MID1: variants seen among roughly 807,000 people sequenced by gnomAD.
MID1 encodes the protein midline 1.
In MID1, 7 loss-of-function variants were observed where a neutral mutation model predicts 40.4. That is an observed-to-expected ratio of 0.17 (90% confidence interval 0.10 to 0.33). The LOEUF is 0.33. MID1 is among the 10% of genes least tolerant of loss of function. The pLI, the probability that MID1 is intolerant of heterozygous loss-of-function variation, is 1.00. For missense variants in MID1, 367 were observed against 558.5 expected, an observed-to-expected ratio of 0.66 and a Z score of 3.46; for synonymous variants, 229 against 221.2, an observed-to-expected ratio of 1.04 and a Z score of -0.31.
chrX:10,580,927 G>A (rs1294196936), intron 1 of MID1, among the ~76,000 whole-genome samples: 1 of 88,089 alleles, frequency 1.1e-5, no homozygotes, highest in Non-Finnish European at 2.1e-5. Flanking sequence ...TCAATGTGGT[G>A]TCCTGTAAAA....
chrX:10,724,312 G>T (rs2043376476), intron 1 of MID1, among the ~76,000 whole-genome samples: 1 of 111,672 alleles, frequency 9.0e-6, no homozygotes, highest in Non-Finnish European at 1.9e-5. Flanking sequence ...ATCTGCCTCA[G>T]CCTCCCAAAG....
intron 9 of MID1, among the ~76,000 whole-genome samples, chrX:10,454,478 A>G (rs1928532972): frequency 9.0e-6 from 1 of 110,904 alleles, no homozygotes; most frequent in Non-Finnish European, 1.9e-5. Flanking sequence ...GCCATGGACT[A>G]TATGTAAAAA....
intron 1 of MID1, among the ~76,000 whole-genome samples, chrX:10,722,185 C>G (rs1483520365): frequency 9.0e-6 from 1 of 111,663 alleles, no homozygotes; most frequent in African/African-American, 3.3e-5. Context: ...ATAAATTTCT[C>G]TAAAGCTTCT....
intron 2 of MID1, among the ~76,000 whole-genome samples, chrX:10,549,553 A>G (rs190136122): frequency 1.8e-5 from 2 of 113,735 alleles, no homozygotes; most frequent in East Asian, 5.5e-4. Context: ...TATGGCCTGC[A>G]ATGCCAGAAA....
chrX:10,494,658 C>T (rs1931134456), intron 4 of MID1, among the ~76,000 whole-genome samples: 1 of 107,953 alleles, frequency 9.3e-6, no homozygotes, highest in South Asian at 4.1e-4. Context: ...CCTGTAGTCC[C>T]AGCTACTCAG....
intron 1 of MID1, among the ~76,000 whole-genome samples, chrX:10,640,111 C>T (rs754393677): frequency 9.0e-6 from 1 of 111,715 alleles, no homozygotes; most frequent in African/African-American, 3.3e-5. Flanking sequence ...CATCAACTAA[C>T]GAGCAAAATA....
At chrX:10,493,987 G>A (rs963778982) in intron 4 of MID1, among the ~76,000 whole-genome samples, 1 of 112,129 alleles carries the variant, frequency 8.9e-6, no homozygotes, top group Non-Finnish European at 1.9e-5. Flanking sequence ...TAAGAGATGT[G>A]CACCTATGAT....
chrX:10,555,477 T>C (rs1314798107), intron 2 of MID1, among the ~76,000 whole-genome samples: 1 of 111,566 alleles, frequency 9.0e-6, no homozygotes, highest in Admixed American at 9.6e-5. Context: ...ATCCTGTCTA[T>C]ATATTCTTAT....
intron 5 of MID1, chrX:10,474,968 G>T: frequency 2.2e-6 from 1 of 464,516 alleles, no homozygotes; most frequent in Non-Finnish European, 3.9e-6. Flanking sequence ...CAACAAAATG[G>T]CTTGCCCTCT....
At chrX:10,737,706 T>A (rs1351780570) in intron 1 of MID1, among the ~76,000 whole-genome samples, 1 of 103,619 alleles carries the variant, frequency 9.7e-6, no homozygotes, top group African/African-American at 3.6e-5. Flanking sequence ...GAAGGAAGGG[T>A]GTCAGAGAGG....
intron 7 of MID1, among the ~76,000 whole-genome samples, chrX:10,461,755 A>T (rs1481785214): frequency 8.9e-6 from 1 of 112,469 alleles, no homozygotes; most frequent in Non-Finnish European, 1.9e-5. Context: ...TCAGCCACGA[A>T]TGAGAACAAT....
intron 1 of MID1, among the ~76,000 whole-genome samples, chrX:10,798,456 A>C (rs2043982045): frequency 8.9e-6 from 1 of 112,007 alleles, no homozygotes; most frequent in Non-Finnish European, 1.9e-5. Flanking sequence ...AGAATCCTTT[A>C]ACTGTTATTG....
chrX:10,627,588 A>G (rs1212500057), intron 1 of MID1, among the ~76,000 whole-genome samples: 1 of 111,943 alleles, frequency 8.9e-6, no homozygotes, highest in African/African-American at 3.2e-5. Flanking sequence ...ATGACTAGGA[A>G]TAGCTGGTTA....
intron 1 of MID1, among the ~76,000 whole-genome samples, chrX:10,777,299 G>A (rs754036171): frequency 9.9e-5 from 11 of 110,571 alleles, no homozygotes; most frequent in African/African-American, 2.3e-4. Flanking sequence ...CCAGGTTCAC[G>A]CCATTCTCCT....
chrX:10,528,286 G>C (rs1258502899), intron 2 of MID1, among the ~76,000 whole-genome samples: 1 of 110,692 alleles, frequency 9.0e-6, no homozygotes, highest in African/African-American at 3.3e-5. Context: ...ATCAATATTT[G>C]AAAACTGATG....
intron 2 of MID1, among the ~76,000 whole-genome samples, chrX:10,527,977 C>A (rs955749628): frequency 8.0e-5 from 9 of 111,842 alleles, no homozygotes; most frequent in African/African-American, 2.9e-4. Flanking sequence ...CTCCATAGAC[C>A]ACCTAACCCA....
At chrX:10,577,540 C>T (rs772029178) in intron 1 of MID1, among the ~76,000 whole-genome samples, 5 of 110,335 alleles carry the variant, frequency 4.5e-5, no homozygotes, top group Non-Finnish European at 9.4e-5. Context: ...ACCTAAATAG[C>T]AATCTATCAT....
chrX:10,475,687 T>C (rs1485857742), intron 5 of MID1, among the ~76,000 whole-genome samples: 6 of 112,271 alleles, frequency 5.3e-5, no homozygotes, highest in African/African-American at 1.9e-4. Context: ...ACAACACTCT[T>C]AAGAGCTATT....
At chrX:10,666,528 C>A (rs1462703700) in intron 1 of MID1, among the ~76,000 whole-genome samples, 1 of 111,135 alleles carries the variant, frequency 9.0e-6, no homozygotes, top group Admixed American at 9.6e-5. Flanking sequence ...TAACAGCAGG[C>A]ACTGATTCTA....
Sources: allele counts gnomAD v4.1 joint callset (sites outside exome capture counted in the v4.1 genomes callset), GRCh38; gene constraint gnomAD v4.1.1; transcripts MANE v1.5; gene names NCBI Gene and HGNC (gene_info 2026-07-23, HGNC 2026-07-21).